WARS1: variants seen among roughly 807,000 people sequenced by gnomAD.
WARS1 encodes tryptophanyl-tRNA synthetase 1.
WARS1 carries 17 observed loss-of-function variants against 47.8 expected under a neutral mutation model. The observed-to-expected ratio is 0.36, with a 90% CI of 0.24 to 0.53. The LOEUF is 0.53. Ranked by LOEUF, WARS1 falls within the 20% of genes least tolerant of loss-of-function variation. The probability of loss-of-function intolerance (pLI) is 0.91; values close to 1 mark genes in which losing one functional copy is unlikely to be tolerated. For synonymous variants in WARS1, 208 were observed against 228.1 expected, an observed-to-expected ratio of 0.91 and a Z score of 0.79; for missense variants, 434 against 608.0, an observed-to-expected ratio of 0.71 and a Z score of 3.01.
At chr14:100,358,662 A>G (rs1895479638) in intron 4 of WARS1, among the ~76,000 whole-genome samples, 1 of 152,248 alleles carries the variant, frequency 6.6e-6, no homozygotes, top group Non-Finnish European at 1.5e-5. Context: ...ACAATCAATC[A>G]AAGATAAAAT....
At chr14:100,353,594 G>T in intron 6 of WARS1, 93 bp downstream of exon 6, 1 of 1,454,786 alleles carries the variant, frequency 6.9e-7, no homozygotes, top group South Asian at 1.3e-5. Flanking sequence ...TAGGCCTTAA[G>T]ACCATTTCAG....
chr14:100,347,542 A>G (rs1894704660), intron 6 of WARS1, among the ~76,000 whole-genome samples: 1 of 152,062 alleles, frequency 6.6e-6, no homozygotes, highest in Non-Finnish European at 1.5e-5. Flanking sequence ...AAGCAAACAC[A>G]GTGGGGTGTA....
In WARS1 at chr14:100,346,837, T is replaced by G; in HGVS notation, c.735A>C (p.Ser245=). 1 of 1,613,172 alleles carries G rather than the reference T, an allele frequency of 6.2e-7. No individual in the cohort carries two copies. The highest frequency in any genetic ancestry group is 8.5e-7 in the Non-Finnish European group (1 of 1,179,180). Residue 245 remains serine (S), a synonymous_variant, in exon 7 of 11, where the codon TCA becomes TCC. Coordinates refer to ENST00000392882, the MANE Select transcript of WARS1 (RefSeq NM_004184.4). ...TCTTCACCACATTTTTGTAGAAACCTGAGCTCATCCTGCAAAGACAACGAG... is the reference window on the plus strand; with the variant it reads ...TCTTCACCACATTTTTGTAGAAACCGGAGCTCATCCTGCAAAGACAACGAG... The part of the protein sequence containing the change: ...FSDLDYMGMS[S]GFYKNVVKIQ...
chr14:100,371,545 G>A (rs1289610264), intron 1 of WARS1, among the ~76,000 whole-genome samples: 1 of 151,522 alleles, frequency 6.6e-6, no homozygotes, highest in African/African-American at 2.4e-5. Context: ...GACCAGCCTG[G>A]CCCACATGGT....
chr14:100,365,702 TCTA>T (rs1401085689), intron 2 of WARS1: 1 of 183,454 alleles, frequency 5.5e-6, no homozygotes, highest in Non-Finnish European at 1.1e-5. Flanking sequence ...ATTTCTGAAA[TCTA>T]CTACAACAAA....
intron 10 of WARS1, among the ~76,000 whole-genome samples, chr14:100,336,145 G>A (rs978841070): frequency 7.2e-5 from 11 of 151,880 alleles, no homozygotes; most frequent in Middle Eastern, 6.8e-3. Context: ...GCATGGTGGC[G>A]GGTGCCTGTA....
chr14:100,363,617 A>C (rs1895782574), intron 2 of WARS1, among the ~76,000 whole-genome samples: 1 of 152,140 alleles, frequency 6.6e-6, no homozygotes, highest in East Asian at 1.9e-4. Context: ...GGATTGCTTG[A>C]GCCAGGGAGG....
At chr14:100,339,762 G>T (rs1393664453) in intron 9 of WARS1, 1 of 152,222 alleles carries the variant, frequency 6.6e-6, no homozygotes, top group Non-Finnish European at 1.5e-5. Flanking sequence ...GGGCCTTGGG[G>T]AAGAAGCTTC....
At chr14:100,347,368 C>G (rs2139964569) in intron 6 of WARS1, among the ~76,000 whole-genome samples, 1 of 152,258 alleles carries the variant, frequency 6.6e-6, no homozygotes, top group South Asian at 2.1e-4. Flanking sequence ...CCACTGCTCC[C>G]CCCTGCTGTT....
intron 9 of WARS1, among the ~76,000 whole-genome samples, chr14:100,341,274 A>G (rs760994201): frequency 2.0e-5 from 3 of 152,184 alleles, no homozygotes; most frequent in Non-Finnish European, 4.4e-5. Flanking sequence ...GACTTTTCCA[A>G]TGGCGCTTCC....
rs1348813469 is a variant in WARS1, at chr14:100,342,530, G to A, written c.981C>T (p.Ile327=). 6.2e-7 allele frequency: 1 copy of A among 1,613,146 alleles called. No individual in the cohort carries two copies. Among genetic ancestry groups the A allele is most frequent in the Non-Finnish European group, 8.5e-7 (1 of 1,179,712 alleles). Residue 327 remains isoleucine, a synonymous_variant, in exon 9 of 11, where the codon ATC becomes ATT. Transcript: ENST00000392882. ...FRMTRDVAPR[I]GYPKPALLHS... The stretch of plus-strand genomic sequence containing the variant: ...GCAGCAGGGCTGGTTTAGGATAGCC[G>A]ATCCTGGGGGCGACGTCCCTTGTCA...
intron 7 of WARS1, 110 bp from the exon 8 acceptor site, chr14:100,343,497 A>C: frequency 1.4e-6 from 1 of 730,156 alleles, no homozygotes; most frequent in Non-Finnish European, 2.2e-6. Flanking sequence ...AATCATTAAA[A>C]TAAATCTAAA....
At chr14:100,362,035 T>C in intron 2 of WARS1, 114 bp from the exon 3 acceptor site, 2 of 1,079,306 alleles carry the variant, frequency 1.9e-6, no homozygotes, top group Admixed American at 2.1e-5. Flanking sequence ...TTACCTTAGT[T>C]AGTGTCACAA....
chr14:100,351,546 T>C (rs1172861742), intron 6 of WARS1, among the ~76,000 whole-genome samples: 1 of 151,174 alleles, frequency 6.6e-6, no homozygotes, highest in East Asian at 1.9e-4. Context: ...GACATCTATG[T>C]TCTTGTTTGA....
At chr14:100,352,108 C>CTTTTTTTTTTTT (rs1172421175) in intron 6 of WARS1, among the ~76,000 whole-genome samples, 1 of 94,244 alleles carries the variant, frequency 1.1e-5, no homozygotes, top group Non-Finnish European at 2.0e-5. Flanking sequence ...CAGTTTCTTT[C>CTTTTTTTTTTTT]TTTTTTTTTT....
At chr14:100,353,398 G>A (rs75663828) in intron 6 of WARS1, among the ~76,000 whole-genome samples, 4,954 of 150,588 alleles carry the variant, frequency 0.033, 115 homozygotes, top group East Asian at 0.08. Flanking sequence ...TTATAGGTGC[G>A]TGCCACCACA....
chr14:100,361,701 G>A lies in WARS1; in HGVS notation c.313+7C>T, dbSNP rs369880233. ...AGCTTTTTCTGGGAAGAAAGCAGAG[G>A]ACGTACCAATGAGCTTATCGTAGTC... On this transcript the variant is annotated splice_region_variant and intron_variant, in intron 3 of 10. Transcript: ENST00000392882. 85 of 1,613,518 alleles carry A rather than the reference G, an allele frequency of 5.3e-5. No homozygotes were observed. The highest frequency in any genetic ancestry group is 7.0e-5 in the Non-Finnish European group (83 of 1,179,750).
chr14:100,365,302 G>A (rs1467206308), intron 2 of WARS1, among the ~76,000 whole-genome samples: 11 of 152,104 alleles, frequency 7.2e-5, no homozygotes, highest in South Asian at 2.1e-4. Flanking sequence ...AAGTCGGGCC[G>A]GGCGTGGTGG....
intron 4 of WARS1, among the ~76,000 whole-genome samples, chr14:100,358,665 GATAAA>G (rs1164280743): frequency 2.0e-5 from 3 of 152,046 alleles, no homozygotes; most frequent in African/African-American, 7.2e-5. Context: ...ATCAATCAAA[GATAAA>G]ATAAACTGGA....
Sources: allele counts gnomAD v4.1 joint callset (sites outside exome capture counted in the v4.1 genomes callset), GRCh38; gene constraint gnomAD v4.1.1; transcripts MANE v1.5; gene names NCBI Gene and HGNC (gene_info 2026-07-23, HGNC 2026-07-21).